The following CDH18 variants were observed in gnomAD, a reference collection of about 807,000 sequenced individuals.
The protein encoded by CDH18 is cadherin 18.
CDH18 carries 31 observed loss-of-function variants against 67.9 expected under a neutral mutation model. That is an observed-to-expected ratio of 0.46 (90% CI 0.34 to 0.62). The LOEUF (loss-of-function observed/expected upper bound fraction) is 0.62, where lower values mean the gene tolerates loss of function less well. Ranked by LOEUF, CDH18 falls within the 20% of genes least tolerant of loss-of-function variation. The probability of loss-of-function intolerance (pLI) is 0.01; values close to 1 mark genes in which losing one functional copy is unlikely to be tolerated. For synonymous variants in CDH18, 362 were observed against 347.2 expected (o/e 1.04, Z -0.48); for missense variants, 890 against 975.5 (o/e 0.91, Z 1.17).
intron 2 of CDH18, among the ~76,000 whole-genome samples, chr5:20,224,624 A>G (rs1296423232): frequency 1.3e-5 from 2 of 151,852 alleles, no homozygotes; most frequent in Non-Finnish European, 2.9e-5. Context: ...TAAATCTGCT[A>G]TATTTGCCTG....
At chr5:19,907,780 T>C (rs1318722997) in intron 2 of CDH18, among the ~76,000 whole-genome samples, 1 of 152,102 alleles carries the variant, frequency 6.6e-6, no homozygotes, top group Non-Finnish European at 1.5e-5. Context: ...TCATTATATG[T>C]TGTCTGTAGT....
chr5:20,307,113 T>C (rs1736533985), intron 1 of CDH18, among the ~76,000 whole-genome samples: 1 of 152,094 alleles, frequency 6.6e-6, no homozygotes, highest in Non-Finnish European at 1.5e-5. Context: ...GGATAAATTA[T>C]ATAATATAAT....
chr5:19,938,863 G>T (rs566653055), intron 2 of CDH18, among the ~76,000 whole-genome samples: 2 of 151,152 alleles, frequency 1.3e-5, no homozygotes, highest in African/African-American at 4.8e-5. Context: ...GCATTTCTTT[G>T]TTTAATTCTA....
chr5:19,979,640 GA>G (rs1405301711), intron 2 of CDH18, among the ~76,000 whole-genome samples: 1 of 152,038 alleles, frequency 6.6e-6, no homozygotes, highest in Non-Finnish European at 1.5e-5. Flanking sequence ...AGTCAGGTCT[GA>G]AAAAGCAATA....
chr5:19,538,031 T>A (rs1297567919), intron 9 of CDH18, among the ~76,000 whole-genome samples: 1 of 152,168 alleles, frequency 6.6e-6, no homozygotes. Context: ...TAGGTTTTGG[T>A]TATTAGGCAG....
intron 5 of CDH18, among the ~76,000 whole-genome samples, chr5:19,653,611 A>G (rs2150279579): frequency 6.6e-6 from 1 of 152,198 alleles, no homozygotes; most frequent in East Asian, 1.9e-4. Context: ...CACTTCTCTC[A>G]CTGAAGGTTC....
At chr5:20,148,900 G>A (rs928619165) in intron 2 of CDH18, among the ~76,000 whole-genome samples, 9 of 152,084 alleles carry the variant, frequency 5.9e-5, no homozygotes, top group Admixed American at 2.6e-4. Context: ...CACCCGAGAT[G>A]TCCATGGGCT....
chr5:20,250,208 ATTTTG>A (rs898308124), intron 2 of CDH18, among the ~76,000 whole-genome samples: 1 of 152,034 alleles, frequency 6.6e-6, no homozygotes. Context: ...TTTCTTCCAC[ATTTTG>A]TTTTGTTTTG....
chr5:19,474,482 T>A (rs2126503475), intron 12 of CDH18, among the ~76,000 whole-genome samples: 1 of 152,196 alleles, frequency 6.6e-6, no homozygotes, highest in East Asian at 1.9e-4. Context: ...AAAATCAGAC[T>A]TTGGCGATAA....
At chr5:19,906,546 C>T (rs994063286) in intron 2 of CDH18, among the ~76,000 whole-genome samples, 1 of 151,830 alleles carries the variant, frequency 6.6e-6, no homozygotes, top group African/African-American at 2.4e-5. Flanking sequence ...ACTATTGTAA[C>T]CCTTTCTTCT....
rs574335013 is a variant in CDH18 at position 19,707,861 on chromosome 5, T to C, written c.643+13486A>G. 3.9e-5 allele frequency among the ~76,000 whole-genome samples: 6 copies of C among 152,340 alleles called. No individual in the cohort carries two copies. The South Asian group carries it at 6.2e-4, about 16-fold the overall frequency. On this transcript the variant is annotated intron_variant, in intron 5 of 12. Transcript: ENST00000382275. Reference sequence around the variant, plus strand: ...CAGAGGTGCTGCACAATAATTCCCATGGAATCATTACTGAATAGTCCCCTA... The same window carrying C: ...CAGAGGTGCTGCACAATAATTCCCACGGAATCATTACTGAATAGTCCCCTA...
chr5:20,135,211 C>A (rs1290857541), intron 2 of CDH18, among the ~76,000 whole-genome samples: 2 of 152,072 alleles, frequency 1.3e-5, no homozygotes, highest in Non-Finnish European at 2.9e-5. Flanking sequence ...GAGTTTTGTT[C>A]TCCCATCTTT....
chr5:19,584,678 T>C (rs1008044534), intron 7 of CDH18, among the ~76,000 whole-genome samples: 1 of 150,330 alleles, frequency 6.7e-6, no homozygotes, highest in Non-Finnish European at 1.5e-5. Flanking sequence ...CCAGATGCAG[T>C]GGCTCACACC....
At chr5:20,251,572 C>T (rs1270496282) in intron 2 of CDH18, among the ~76,000 whole-genome samples, 5 of 152,104 alleles carry the variant, frequency 3.3e-5, no homozygotes, top group Non-Finnish European at 2.9e-5. Context: ...AAACATTCAA[C>T]CTTGCTAAGA....
At chr5:20,172,999 AAAAAGAAAGAAAG>A in intron 2 of CDH18, among the ~76,000 whole-genome samples, 1 of 152,092 alleles carries the variant, frequency 6.6e-6, no homozygotes, top group Middle Eastern at 3.4e-3. Context: ...TCAAAAAAAA[AAAAAGAAAGAAAG>A]AAAGAAAGAA....
At chr5:19,618,314 C>T (rs899747480) in intron 5 of CDH18, among the ~76,000 whole-genome samples, 1 of 151,658 alleles carries the variant, frequency 6.6e-6, no homozygotes, top group Non-Finnish European at 1.5e-5. Context: ...CAAGTGATTC[C>T]CCTGCGTTCG....
chr5:20,473,911 T>C (rs1431371680), intron 1 of CDH18, among the ~76,000 whole-genome samples: 5 of 152,116 alleles, frequency 3.3e-5, no homozygotes, highest in Admixed American at 2.0e-4. Flanking sequence ...CTATCCCTTT[T>C]TCCCTCTTAT....
chr5:20,096,753 C>T (rs747356221), intron 2 of CDH18, among the ~76,000 whole-genome samples: 1 of 151,994 alleles, frequency 6.6e-6, no homozygotes, highest in Non-Finnish European at 1.5e-5. Flanking sequence ...AAAGAGGAAA[C>T]ATTTATTTCA....
At chr5:20,118,884 G>A (rs191537590) in intron 2 of CDH18, among the ~76,000 whole-genome samples, 87 of 152,214 alleles carry the variant, frequency 5.7e-4, no homozygotes, top group Admixed American at 3.2e-3. Flanking sequence ...TCTGGAAATT[G>A]TGTTGTATTC....
Sources: allele counts gnomAD v4.1 joint callset (sites outside exome capture counted in the v4.1 genomes callset), GRCh38; gene constraint gnomAD v4.1.1; transcripts MANE v1.5; gene names NCBI Gene and HGNC (gene_info 2026-07-23, HGNC 2026-07-21).